DRC8: variants seen among roughly 807,000 people sequenced by gnomAD.
The protein encoded by DRC8 is dynein regulatory complex protein 8.
chr1:245,038,700 T>C, the DRC8 span, among the ~76,000 whole-genome samples: 1 of 146,472 alleles, frequency 6.8e-6, no homozygotes, highest in South Asian at 2.1e-4. Context: ...GGGTCTGTAC[T>C]TCATGCTGTA....
At chr1:245,053,462 A>G in the DRC8 span, among the ~76,000 whole-genome samples, 8 of 152,230 alleles carry the variant, frequency 5.3e-5, no homozygotes, top group East Asian at 3.8e-4. Flanking sequence ...CCAGAGCTCA[A>G]TGGAGAGATT....
the DRC8 span, among the ~76,000 whole-genome samples, chr1:244,996,214 G>T: frequency 1.4e-4 from 22 of 152,098 alleles, no homozygotes; most frequent in African/African-American, 5.1e-4. Flanking sequence ...TTTCCCATAG[G>T]CTGCTTGAGT....
At chr1:245,046,788 T>C in the DRC8 span, among the ~76,000 whole-genome samples, 32 of 152,318 alleles carry the variant, frequency 2.1e-4, no homozygotes, top group Non-Finnish European at 3.4e-4. Flanking sequence ...GCGATTAATA[T>C]TTAAACACCA....
the DRC8 span, among the ~76,000 whole-genome samples, chr1:244,990,233 G>C: frequency 3.9e-5 from 6 of 152,222 alleles, no homozygotes; most frequent in African/African-American, 7.2e-5. Flanking sequence ...AGACGCATGA[G>C]TACAGTACAA....
the DRC8 span, among the ~76,000 whole-genome samples, chr1:245,112,620 T>C: frequency 1.3e-5 from 2 of 152,218 alleles, no homozygotes; most frequent in Non-Finnish European, 2.9e-5. Flanking sequence ...ACCACTTCCA[T>C]GCATATAGTC....
At chr1:244,979,152 A>G in the DRC8 span, among the ~76,000 whole-genome samples, 1 of 151,534 alleles carries the variant, frequency 6.6e-6, no homozygotes, top group Non-Finnish European at 1.5e-5. Context: ...GTGTTGTTTG[A>G]TGTCTGCTTC....
At chr1:245,074,087 G>A in the DRC8 span, among the ~76,000 whole-genome samples, 2 of 152,284 alleles carry the variant, frequency 1.3e-5, no homozygotes, top group South Asian at 2.1e-4. Context: ...AGCTGTGGAC[G>A]TAGTAAAGTT....
the DRC8 span, among the ~76,000 whole-genome samples, chr1:245,097,043 TA>T: frequency 3.3e-5 from 5 of 152,220 alleles, no homozygotes; most frequent in Admixed American, 2.0e-4. This position sits in a 1 kb window ranked among gnomAD's most constrained non-coding sequence, Gnocchi z 5.0. Flanking sequence ...ATTTTCTCTA[TA>T]TAGTAAATAT....
the DRC8 span, among the ~76,000 whole-genome samples, chr1:245,095,556 G>A: frequency 3.3e-5 from 5 of 152,076 alleles, no homozygotes; most frequent in African/African-American, 7.2e-5. Context: ...TTAGAGACAG[G>A]TCTCACTGTG....
chr1:245,087,677 CT>C, the DRC8 span: 9 of 1,035,550 alleles, frequency 8.7e-6, no homozygotes, highest in African/African-American at 1.7e-5. Context: ...ATGAAAATGA[CT>C]TAATTACCCA....
At chr1:245,014,260 G>A in the DRC8 span, among the ~76,000 whole-genome samples, 1 of 152,098 alleles carries the variant, frequency 6.6e-6, no homozygotes, top group Admixed American at 6.6e-5. Context: ...ATAGGGTTAA[G>A]TCTTTATTAT....
chr1:245,003,853 C>T, the DRC8 span, among the ~76,000 whole-genome samples: 4 of 152,150 alleles, frequency 2.6e-5, no homozygotes, highest in African/African-American at 9.7e-5. Context: ...ATCCTCCCCC[C>T]TCAGCCTCCC....
At chr1:245,120,792 C>A in the DRC8 span, among the ~76,000 whole-genome samples, 21 of 152,370 alleles carry the variant, frequency 1.4e-4, no homozygotes, top group Non-Finnish European at 2.6e-4. Context: ...AATGGGAAGG[C>A]ACCTCGGGGG....
the DRC8 span, among the ~76,000 whole-genome samples, chr1:245,072,050 A>G: frequency 6.6e-6 from 1 of 152,232 alleles, no homozygotes; most frequent in East Asian, 1.9e-4. Flanking sequence ...CTCTTACCAC[A>G]TAACCCAGCA....
At chr1:245,098,991 G>A in the DRC8 span, among the ~76,000 whole-genome samples, 3 of 152,296 alleles carry the variant, frequency 2.0e-5, no homozygotes, top group South Asian at 2.1e-4. Flanking sequence ...GTGATCCTCA[G>A]GTGTGAAATG....
At chr1:245,120,608 C>T in the DRC8 span, among the ~76,000 whole-genome samples, 61,480 of 152,058 alleles carry the variant, frequency 0.4, 12,674 homozygotes, top group Admixed American at 0.48. Flanking sequence ...GCCTGGTAGA[C>T]TTTTGCTTAT....
At chr1:245,045,891 C>T in the DRC8 span, among the ~76,000 whole-genome samples, 1 of 152,184 alleles carries the variant, frequency 6.6e-6, no homozygotes, top group Non-Finnish European at 1.5e-5. Context: ...ATCTGCCTAC[C>T]AGAAAAGGTA....
the DRC8 span, among the ~76,000 whole-genome samples, chr1:244,991,269 G>C: frequency 6.6e-6 from 1 of 152,144 alleles, no homozygotes; most frequent in African/African-American, 2.4e-5. Flanking sequence ...GCTCTGCCAG[G>C]TACCCCAGCT....
At chr1:245,011,944 A>G in the DRC8 span, among the ~76,000 whole-genome samples, 1 of 152,338 alleles carries the variant, frequency 6.6e-6, no homozygotes, top group South Asian at 2.1e-4. Flanking sequence ...GGCTGGGCGC[A>G]GTGGCTCATG....
Sources: gnomAD v4.1 joint callset for allele counts (sites outside exome capture counted in the v4.1 genomes callset) on GRCh38, gnomAD v4.1.1 for gene constraint, Gnocchi (gnomAD v3.1) non-coding constraint, MANE v1.5 for transcripts, NCBI Gene and HGNC (gene_info 2026-07-23, HGNC 2026-07-21) for gene names.